Variants in EPDR1 observed in about 807,000 individuals in gnomAD.
EPDR1 encodes ependymin related 1.
A neutral mutation model predicts 23.7 loss-of-function variants in EPDR1; 27 were observed. The ratio of observed to expected loss-of-function variants is 1.14; its 90% confidence interval spans 0.84 to 1.57. The LOEUF (loss-of-function observed/expected upper bound fraction) is 1.57. EPDR1 is among the 40% of genes most tolerant of loss of function. EPDR1 has a pLI of 0.00. For missense variants in EPDR1, 349 were observed against 290.4 expected (o/e 1.20, Z -1.47); for synonymous variants, 137 against 118.2 (o/e 1.16, Z -1.03).
In EPDR1 at chr7:37,948,941, C is replaced by T. The variant is rs770549941; in HGVS notation, c.371C>T (p.Pro124Leu). 1.2e-6 allele frequency: 2 copies of T among 1,614,126 alleles called. No individual in the cohort carries two copies. Among genetic ancestry groups the T allele is most frequent in the Non-Finnish European group, 1.7e-6 (2 of 1,180,026 alleles). Residue 124 changes from proline (P) to leucine (L), a missense_variant, in exon 2 of 3, where the codon CCT becomes CTT. By Grantham distance (98) the Pro-to-Leu change is moderately conservative. Coordinates refer to ENST00000199448, the MANE Select transcript of EPDR1 (RefSeq NM_017549.5). ...SKMTLTQPWD[P>L]LDIPQNSTFE... ...ATGACCCTGACACAGCCCTGGGATC[C>T]TCTTGACATTCCTCAAAACTCCACC...
chr7:37,942,304 C>T (rs1375030425), intron 1 of EPDR1, among the ~76,000 whole-genome samples: 1 of 152,110 alleles, frequency 6.6e-6, no homozygotes, highest in Non-Finnish European at 1.5e-5. Context: ...AAGGAAATGC[C>T]AACACATGCT....
At position 37,921,060 on chromosome 7, in the gene EPDR1, C is replaced by T; in HGVS notation, c.121C>T (p.Pro41Ser). 2.6e-6 allele frequency: 4 copies of T among 1,552,612 alleles called. No homozygotes were observed. Among genetic ancestry groups the T allele is most frequent in the Non-Finnish European group, 3.5e-6 (4 of 1,155,282 alleles). The change falls in exon 1 of 3, where the codon CCG (proline) becomes TCG (serine). Residue 41 changes from proline (P) to serine (S), a missense_variant. Transcript: ENST00000199448. ...CSLGAVGAPR[P>S]CQAPQQWEGR... ...CCTGGGGGCGGTGGGAGCCCCGCGC[C>T]CGTGCCAGGCGCCGCAGCAGTGGGA...
At chr7:37,933,145 T>G (rs1263435857) in intron 1 of EPDR1, among the ~76,000 whole-genome samples, 2 of 152,260 alleles carry the variant, frequency 1.3e-5, no homozygotes, top group Non-Finnish European at 2.9e-5. Context: ...TTGCAGGGTG[T>G]AACTCAAACT....
chr7:37,921,342 C>T (rs775712471), intron 1 of EPDR1, 134 bp downstream of exon 1: 1 of 1,418,990 alleles, frequency 7.0e-7, no homozygotes. Context: ...AGATCTTTCG[C>T]GAGGAGGGTC....
Position 37,928,144 on chromosome 7 carries a change from G to T in EPDR1, c.269+6936G>T, listed in dbSNP as rs997837485. Among the ~76,000 whole-genome samples, 14 of 152,276 alleles carry T rather than the reference G, an allele frequency of 9.2e-5. No individual in the cohort carries two copies. The South Asian group carries it at 2.3e-3, about 25-fold the overall frequency. ...CTGATGGAATGTAAGACAAATTTAC[G>T]AATGGAAGCCAGAGGTGGTCACTAT... On this transcript the variant is annotated intron_variant, in intron 1 of 2. Transcript: ENST00000199448.
chr7:37,938,892 G>T (rs950624328), intron 1 of EPDR1, among the ~76,000 whole-genome samples: 1 of 152,026 alleles, frequency 6.6e-6, no homozygotes. Flanking sequence ...AACTAATTGA[G>T]CTATCTGTGG....
chr7:37,939,688 A>G (rs999189471), intron 1 of EPDR1, among the ~76,000 whole-genome samples: 1 of 152,198 alleles, frequency 6.6e-6, no homozygotes, highest in Non-Finnish European at 1.5e-5. Flanking sequence ...AACTTTTTAA[A>G]GACCCCTCTT....
intron 1 of EPDR1, among the ~76,000 whole-genome samples, chr7:37,924,495 G>A (rs1340215738): frequency 1.3e-5 from 2 of 152,190 alleles, no homozygotes; most frequent in African/African-American, 4.8e-5. Flanking sequence ...ATGACTCCAT[G>A]ACTGACTAAT....
intron 1 of EPDR1, among the ~76,000 whole-genome samples, chr7:37,927,827 A>C (rs1470387693): frequency 6.6e-6 from 1 of 152,248 alleles, no homozygotes; most frequent in Non-Finnish European, 1.5e-5. Context: ...TTTTGGTCTC[A>C]GATGGCTGGA....
intron 1 of EPDR1, among the ~76,000 whole-genome samples, chr7:37,928,853 C>G (rs1785871759): frequency 6.6e-6 from 1 of 152,142 alleles, no homozygotes; most frequent in South Asian, 2.1e-4. Flanking sequence ...TATTCTGGCC[C>G]AAACTTTTAT....
intron 1 of EPDR1, among the ~76,000 whole-genome samples, chr7:37,928,411 A>G (rs60271768): frequency 6.6e-6 from 1 of 150,596 alleles, no homozygotes; most frequent in Non-Finnish European, 1.5e-5. Context: ...AAAAAAAAAA[A>G]CTTCTCTTGA....
intron 1 of EPDR1, among the ~76,000 whole-genome samples, chr7:37,938,806 G>A (rs963238346): frequency 2.6e-5 from 4 of 152,240 alleles, no homozygotes; most frequent in South Asian, 4.1e-4. Context: ...TGATTGGGCC[G>A]CCACAATTGT....
intron 1 of EPDR1, among the ~76,000 whole-genome samples, chr7:37,945,873 C>G (rs1786264818): frequency 6.6e-6 from 1 of 152,142 alleles, no homozygotes; most frequent in South Asian, 2.1e-4. Flanking sequence ...TGATGCTCCC[C>G]CTCCCCCAAG....
intron 1 of EPDR1, among the ~76,000 whole-genome samples, chr7:37,940,325 G>A (rs1230930876): frequency 1.3e-5 from 2 of 152,062 alleles, no homozygotes; most frequent in African/African-American, 4.8e-5. Flanking sequence ...GGGATGGAAG[G>A]GGAACTTGCC....
chr7:37,941,695 C>A (rs1362957370), intron 1 of EPDR1, among the ~76,000 whole-genome samples: 1 of 152,202 alleles, frequency 6.6e-6, no homozygotes, highest in Non-Finnish European at 1.5e-5. Context: ...AGGAGTACTG[C>A]TCCAGATTTT....
In EPDR1 at chr7:37,948,994, C is replaced by T; in HGVS notation, c.424C>T (p.Pro142Ser). The change falls in exon 2 of 3, where the codon CCT (proline) becomes TCT (serine). Residue 142 changes from proline (P) to serine (S), a missense_variant. By Grantham distance (74) the Pro-to-Ser change is moderately conservative. Transcript: ENST00000199448. ...TFEDQYSIGG[P>S]QEQITVQEWS... is the part of the protein sequence containing the mutation. ...TGAAGACCAGTACTCCATCGGGGGG[C>T]CTCAGGAGCAGATCACCGTCCAGGA... 6.2e-7 allele frequency: 1 copy of T among 1,614,142 alleles called. No individual in the cohort carries two copies. Among genetic ancestry groups the T allele is most frequent in the Non-Finnish European group, 8.5e-7 (1 of 1,180,030 alleles).
chr7:37,933,250 T>C (rs865892953), intron 1 of EPDR1, among the ~76,000 whole-genome samples: 15 of 152,266 alleles, frequency 9.9e-5, no homozygotes, highest in South Asian at 2.1e-4. Flanking sequence ...TAGTGCGTAT[T>C]AAACAAATCC....
intron 1 of EPDR1, among the ~76,000 whole-genome samples, chr7:37,925,837 A>C (rs908852483): frequency 6.6e-6 from 1 of 152,364 alleles, no homozygotes; most frequent in Admixed American, 6.5e-5. Flanking sequence ...TTATTATATC[A>C]GGCTGATTCA....
rs113219667 is a variant in EPDR1 at position 37,948,665 on chromosome 7, T to C, written c.270-175T>C. Among the ~76,000 whole-genome samples, 495 of 152,312 alleles carry C rather than the reference T, an allele frequency of 3.2e-3. 1 individual carries two copies. The highest frequency in any genetic ancestry group is 0.011 in the African/African-American group (471 of 41,582). On this transcript the variant is annotated intron_variant, in intron 1 of 2. Transcript: ENST00000199448. ...GCTCGGTCTGACCTGTGAATTCTAA[T>C]TATTTCATATGCAGGTTGTTTCATG... is the stretch of plus-strand genomic sequence containing the variant.
Sources: allele counts gnomAD v4.1 joint callset (sites outside exome capture counted in the v4.1 genomes callset), GRCh38; gene constraint gnomAD v4.1.1; transcripts MANE v1.5; gene names NCBI Gene and HGNC (gene_info 2026-07-23, HGNC 2026-07-21).